The following STXBP5L variants were observed in gnomAD, a reference collection of about 807,000 sequenced individuals.
STXBP5L encodes syntaxin-binding protein 5-like.
A neutral mutation model predicts 144.5 loss-of-function variants in STXBP5L; 65 were observed. The ratio of observed to expected loss-of-function variants is 0.45; its 90% confidence interval spans 0.37 to 0.55. The LOEUF (loss-of-function observed/expected upper bound fraction) is 0.55, where lower values mean the gene tolerates loss of function less well. Ranked by LOEUF, STXBP5L falls within the 20% of genes least tolerant of loss-of-function variation. The pLI, the probability that STXBP5L is intolerant of heterozygous loss-of-function variation, is 0.00. For missense variants in STXBP5L, 1,298 were observed against 1,405.5 expected, an observed-to-expected ratio of 0.92 and a Z score of 1.22; for synonymous variants, 505 against 469.6, an observed-to-expected ratio of 1.08 and a Z score of -0.97.
At chr3:121,347,159 C>G (rs1276035115) in intron 20 of STXBP5L, among the ~76,000 whole-genome samples, 1 of 152,164 alleles carries the variant, frequency 6.6e-6, no homozygotes, top group African/African-American at 2.4e-5. Context: ...CTAGTTTCAG[C>G]TTTCTACATA....
At chr3:121,100,100 C>A (rs1261109440) in intron 5 of STXBP5L, among the ~76,000 whole-genome samples, 1 of 152,120 alleles carries the variant, frequency 6.6e-6, no homozygotes, top group South Asian at 2.1e-4. Flanking sequence ...ATTTATAAAA[C>A]AAGTACCCCT....
chr3:120,915,280 A>G (rs376335349), intron 2 of STXBP5L, among the ~76,000 whole-genome samples: 12 of 152,142 alleles, frequency 7.9e-5, no homozygotes, highest in South Asian at 2.1e-4. Context: ...ATTTCTGTAG[A>G]TATTTCTCTA....
chr3:121,310,970 C>A (rs2043506075), intron 19 of STXBP5L, among the ~76,000 whole-genome samples: 1 of 151,788 alleles, frequency 6.6e-6, no homozygotes, highest in Non-Finnish European at 1.5e-5. Context: ...AGAAAATATT[C>A]ACAATGCCTA....
intron 5 of STXBP5L, among the ~76,000 whole-genome samples, chr3:121,046,243 C>T (rs1450992380): frequency 1.3e-5 from 2 of 152,138 alleles, no homozygotes; most frequent in East Asian, 1.9e-4. Context: ...AGCTTTTTCA[C>T]GTGCTGCAGG....
At chr3:121,178,197 A>T (rs962318938) in intron 9 of STXBP5L, among the ~76,000 whole-genome samples, 2 of 152,180 alleles carry the variant, frequency 1.3e-5, no homozygotes, top group African/African-American at 4.8e-5. Flanking sequence ...CTGGAGATTA[A>T]TGGTGGTGAT....
chr3:121,324,558 CAG>C (rs1559976897), intron 20 of STXBP5L: 1 of 696,910 alleles, frequency 1.4e-6, no homozygotes, highest in East Asian at 2.7e-5. Context: ...AGCTATGAGA[CAG>C]AGGAATCAAG....
intron 7 of STXBP5L, among the ~76,000 whole-genome samples, chr3:121,141,550 A>T (rs947286244): frequency 6.6e-6 from 1 of 152,226 alleles, no homozygotes; most frequent in Admixed American, 6.6e-5. Flanking sequence ...AAAGGATACA[A>T]TTAGTAAAAA....
At position 121,324,198 on chromosome 3, in the gene STXBP5L, T is replaced by C. The variant is rs148762525; in HGVS notation, c.2176+5658T>C. Among the ~76,000 whole-genome samples the C allele has an allele frequency of 3.0e-3, 455 of 152,048 alleles. 2 individuals carry two copies. Among genetic ancestry groups the C allele is most frequent in the Non-Finnish European group, 2.3e-3 (159 of 67,934 alleles). ...TAGTCACAAAATACTAACAAAGGAG[T>C]ATCAAACTCTGTTGTTCTCAGGATT... On this transcript the variant is annotated intron_variant, in intron 20 of 26. Coordinates refer to ENST00000471454, the MANE Select transcript of STXBP5L (RefSeq NM_001308330.2).
intron 5 of STXBP5L, among the ~76,000 whole-genome samples, chr3:121,061,497 T>A (rs891163638): frequency 2.6e-5 from 4 of 152,106 alleles, no homozygotes; most frequent in Non-Finnish European, 5.9e-5. Flanking sequence ...TCCACTTGGT[T>A]GAGAGCTGAT....
intron 20 of STXBP5L, among the ~76,000 whole-genome samples, chr3:121,342,120 A>G (rs193041481): frequency 6.6e-6 from 1 of 152,144 alleles, no homozygotes; most frequent in Admixed American, 6.6e-5. Flanking sequence ...TACACATACT[A>G]TTTACCCACA....
chr3:120,986,566 A>G (rs1206220836), intron 3 of STXBP5L, among the ~76,000 whole-genome samples: 3 of 151,890 alleles, frequency 2.0e-5, no homozygotes, highest in Non-Finnish European at 4.4e-5. Flanking sequence ...ATATTGTTGT[A>G]TTGAAACATT....
intron 9 of STXBP5L, among the ~76,000 whole-genome samples, chr3:121,159,487 T>A (rs186718986): frequency 6.6e-6 from 1 of 152,088 alleles, no homozygotes; most frequent in Non-Finnish European, 1.5e-5. Context: ...TCTAAGCATG[T>A]TTTTTATGAT....
Position 120,909,708 on chromosome 3 carries a change from G to T in STXBP5L, c.130G>T (p.Gly44Trp). Residue 44 changes from glycine to tryptophan, a missense_variant, in exon 2 of 27, where the codon GGG becomes TGG. Gly to Trp is a radical substitution (Grantham distance 184). Transcript: ENST00000471454. ...SGSVHPAGTA[G>W]VLREEIQETL... ...TTCCGTACATCCGGCGGGGACTGCAGGGGTTCTCAGAGAGGAAATTCAGGA... is the reference window on the plus strand; with the variant it reads ...TTCCGTACATCCGGCGGGGACTGCATGGGTTCTCAGAGAGGAAATTCAGGA... 1 of 1,611,766 alleles carries T rather than the reference G, an allele frequency of 6.2e-7. No individual in the cohort carries two copies. The highest frequency in any genetic ancestry group is 8.5e-7 in the Non-Finnish European group (1 of 1,179,452).
intron 2 of STXBP5L, among the ~76,000 whole-genome samples, chr3:120,939,560 G>C (rs1391276145): frequency 6.6e-6 from 1 of 152,102 alleles, no homozygotes; most frequent in Non-Finnish European, 1.5e-5. Context: ...AATAACAACA[G>C]TACCTGATAT....
At position 120,918,944 on chromosome 3, in the gene STXBP5L, T is replaced by C. The variant is rs1709234738; in HGVS notation, c.189+9177T>C. On this transcript the variant is annotated intron_variant, in intron 2 of 26. Transcript: ENST00000471454. ...GTGGGTTGTTCAGTGTACCACAAGA[T>C]GCCAAATAGAGAACTTTTAAATGTT... 2.0e-5 allele frequency among the ~76,000 whole-genome samples: 3 copies of C among 152,236 alleles called. No individual in the cohort carries two copies. The South Asian group carries it at 6.2e-4, about 32-fold the overall frequency.
At chr3:121,181,352 G>A (rs1174029427) in intron 9 of STXBP5L, among the ~76,000 whole-genome samples, 1 of 151,218 alleles carries the variant, frequency 6.6e-6, no homozygotes, top group Admixed American at 6.6e-5. Flanking sequence ...GAGAGGAGAG[G>A]AGTAGTACCT....
At chr3:121,314,085 C>T (rs1275998715) in intron 19 of STXBP5L, among the ~76,000 whole-genome samples, 4 of 147,904 alleles carry the variant, frequency 2.7e-5, no homozygotes, top group Non-Finnish European at 3.0e-5. Flanking sequence ...GGATGGCGGC[C>T]GGGCAGAGAC....
At chr3:120,990,987 A>C (rs1202388941) in intron 3 of STXBP5L, among the ~76,000 whole-genome samples, 3 of 152,208 alleles carry the variant, frequency 2.0e-5, no homozygotes, top group Non-Finnish European at 2.9e-5. Flanking sequence ...AATGGGATCT[A>C]ATTAAACTAA....
chr3:121,346,181 A>G (rs1319732061), intron 20 of STXBP5L, among the ~76,000 whole-genome samples: 1 of 140,662 alleles, frequency 7.1e-6, no homozygotes, highest in African/African-American at 2.7e-5. Flanking sequence ...TTCAATTCCC[A>G]CCTATGAGTG....
Sources: gnomAD v4.1 joint callset for allele counts (sites outside exome capture counted in the v4.1 genomes callset) on GRCh38, gnomAD v4.1.1 for gene constraint, MANE v1.5 for transcripts, NCBI Gene and HGNC (gene_info 2026-07-23, HGNC 2026-07-21) for gene names.